EIF4E2: variants seen among roughly 807,000 people sequenced by gnomAD.
EIF4E2 encodes the protein eukaryotic translation initiation factor 4E type 2.
A neutral mutation model predicts 34.2 loss-of-function variants in EIF4E2; 13 were observed. The ratio of observed to expected loss-of-function variants is 0.38; its 90% CI spans 0.25 to 0.60. The LOEUF is 0.60. Among genes scored for constraint, EIF4E2 ranks in the 20% least tolerant of loss-of-function variants. The probability of loss-of-function intolerance (pLI) is 0.62; values close to 1 mark genes in which losing one functional copy is unlikely to be tolerated. For synonymous variants in EIF4E2, 100 were observed against 106.6 expected (o/e 0.94, Z 0.38); for missense variants, 222 against 315.1 (o/e 0.70, Z 2.24).
At chr2:232,567,394 A>G in intron 6 of EIF4E2, 180 bp downstream of exon 6, 1 of 1,419,618 alleles carries the variant, frequency 7.0e-7, no homozygotes, top group Non-Finnish European at 9.2e-7. Context: ...GCTCCCTGCC[A>G]CCTATACTAC....
chr2:232,583,008 G>A (rs1693395772), exon 7 of EIF4E2: 1 of 152,174 alleles, frequency 6.6e-6, no homozygotes, highest in Non-Finnish European at 1.5e-5. Flanking sequence ...TGCCTAACAG[G>A]TTTAAGTAGG....
At chr2:232,555,980 G>A (rs1692504215) in intron 1 of EIF4E2, among the ~76,000 whole-genome samples, 1 of 152,186 alleles carries the variant, frequency 6.6e-6, no homozygotes, top group South Asian at 2.1e-4. Context: ...CAGGAGAAGA[G>A]GGCCTAAACT....
rs1212856964 is a variant in EIF4E2, at chr2:232,566,960, T to G, written c.507T>G (p.Ala169=). The change falls in exon 5 of 7, where the codon GCT becomes GCG. Residue 169 remains alanine (A), a synonymous_variant. Transcript: ENST00000258416. The surrounding 1 kb of genome is among the most constrained non-coding windows in gnomAD (Gnocchi z 4.9). The stretch of plus-strand genomic sequence containing the variant: ...TGGTTGGGGAGGAGATCTGTGGGGC[T>G]GTGGTGTCTGTCCGCTTTCAGGTAA... ...QFMVGEEICG[A]VVSVRFQEDI... The G allele has an allele frequency of 1.3e-6, 2 of 1,599,026 alleles. No homozygotes were observed. Among genetic ancestry groups the G allele is most frequent in the Middle Eastern group, 1.7e-4 (1 of 6,006 alleles).
At position 232,566,736 on chromosome 2, in the gene EIF4E2, A is replaced by T; in HGVS notation, c.376-93A>T. 2 of 1,382,860 alleles carry T rather than the reference A, an allele frequency of 1.4e-6. No homozygotes were observed. Among genetic ancestry groups the T allele is most frequent in the South Asian group, 1.3e-5 (1 of 78,112 alleles). 85.7% of individuals were successfully genotyped at this position (1,382,860 alleles called of 1,614,324 possible). A position where few individuals can be genotyped will look rare whatever the true frequency, so the allele number is the denominator to read the frequency against. On this transcript the variant is annotated intron_variant, in intron 4 of 6. Transcript: ENST00000258416. The surrounding 1 kb of genome is among the most constrained non-coding windows in gnomAD (Gnocchi z 4.9). ...TAATTGGAAAGTGATATGACTTCTT[A>T]GTGTTTAAGAGATTCTTGGCTTTTT... is the stretch of plus-strand genomic sequence containing the variant.
intron 1 of EIF4E2, chr2:232,551,151 TCA>T: frequency 1.9e-6 from 1 of 530,438 alleles, no homozygotes; most frequent in Non-Finnish European, 3.8e-6. Flanking sequence ...CCTCTGAGCC[TCA>T]GTTTTCTCAT....
At chr2:232,568,277 G>C in intron 6 of EIF4E2, 1 of 985,354 alleles carries the variant, frequency 1.0e-6, no homozygotes, top group Non-Finnish European at 1.2e-6. Context: ...TAGATAATGT[G>C]GAGTGGAGTT....
chr2:232,567,955 G>A (rs1692992047), intron 6 of EIF4E2: 1 of 976,386 alleles, frequency 1.0e-6, no homozygotes, highest in African/African-American at 1.8e-5. Flanking sequence ...GGACTCTTAG[G>A]TTTAGTTCTC....
At position 232,564,351 on chromosome 2, in the gene EIF4E2, G is replaced by A; in HGVS notation, c.375G>A (p.Glu125=). 3 of 1,569,448 alleles carry A rather than the reference G, an allele frequency of 1.9e-6. No individual in the cohort carries two copies. Among genetic ancestry groups the A allele is most frequent in the Non-Finnish European group, 2.6e-6 (3 of 1,153,806 alleles). Residue 125 remains glutamate (E), a splice_region_variant and synonymous_variant, in exon 4 of 7, where the codon GAG becomes GAA. Transcript: ENST00000258416. ...LFKEGIKPMW[E]DDANKNGGKW... The stretch of plus-strand genomic sequence containing the variant: ...AAGAAGGAATTAAACCCATGTGGGA[G>A]GTAAGGACTAATGGCTTCTGACTGC...
downstream of EIF4E2, chr2:232,573,818 T>C (rs1032534283): frequency 2.6e-5 from 9 of 341,172 alleles, no homozygotes; most frequent in Non-Finnish European, 4.6e-5. Flanking sequence ...ATCATAATGC[T>C]GTTGGAAACT....
downstream of EIF4E2, chr2:232,573,961 T>A: frequency 1.7e-6 from 1 of 575,282 alleles, no homozygotes; most frequent in Admixed American, 2.4e-5. Flanking sequence ...GCATCAGCTC[T>A]GACCTTACTG....
intron 1 of EIF4E2, among the ~76,000 whole-genome samples, chr2:232,553,555 C>T (rs1324351697): frequency 6.6e-6 from 1 of 152,194 alleles, no homozygotes. Context: ...ACTAAAGTGC[C>T]TCTCAGTCTG....
downstream of EIF4E2, chr2:232,573,853 A>T: frequency 2.8e-6 from 1 of 359,952 alleles, no homozygotes; most frequent in East Asian, 7.2e-5. Context: ...GTGAGGCCTG[A>T]TGAAGAAAAA....
chr2:232,565,087 A>G (rs1035665936), intron 4 of EIF4E2, among the ~76,000 whole-genome samples: 1 of 152,182 alleles, frequency 6.6e-6, no homozygotes, highest in Non-Finnish European at 1.5e-5. Flanking sequence ...GGTGTAGTGC[A>G]TCTTCTATTC....
chr2:232,554,689 G>A (rs1692462915), intron 1 of EIF4E2, among the ~76,000 whole-genome samples: 1 of 152,156 alleles, frequency 6.6e-6, no homozygotes, highest in Non-Finnish European at 1.5e-5. Context: ...AGAGATGTTA[G>A]CATTAGCAAC....
chr2:232,567,307 C>A, intron 6 of EIF4E2, 93 bp downstream of exon 6: 1 of 1,571,528 alleles, frequency 6.4e-7, no homozygotes. Context: ...GGACAGGAGA[C>A]TTACTTGTGG....
chr2:232,552,324 A>G (rs1692366939), intron 1 of EIF4E2, among the ~76,000 whole-genome samples: 1 of 152,046 alleles, frequency 6.6e-6, no homozygotes, highest in Admixed American at 6.6e-5. Flanking sequence ...CAATCCTCCC[A>G]TCTCAGCCTC....
intron 6 of EIF4E2, chr2:232,567,967 C>T (rs1692992616): frequency 1.0e-6 from 1 of 972,172 alleles, no homozygotes; most frequent in Admixed American, 6.2e-5. Context: ...TTAGTTCTCT[C>T]ATATGGCCCC....
chr2:232,556,008 T>G (rs191050607), intron 1 of EIF4E2, among the ~76,000 whole-genome samples: 140 of 152,290 alleles, frequency 9.2e-4, no homozygotes, highest in African/African-American at 3.2e-3. Flanking sequence ...TGACAGTGAG[T>G]GTAGAAGAGG....
At position 232,581,375 on chromosome 2, in the gene EIF4E2, A is replaced by G. The variant is rs550059376; in HGVS notation, c.*432A>G. 2.5e-4 allele frequency: 86 copies of G among 338,868 alleles called. No individual in the cohort carries two copies. Among genetic ancestry groups the G allele is most frequent in the African/African-American group, 1.1e-3 (49 of 46,558 alleles). The allele number at this position is 338,868 out of a possible 1,614,324, so 21.0% of individuals were successfully genotyped here. A position where few individuals can be genotyped will look rare whatever the true frequency, so the allele number is the denominator to read the frequency against. ...AAAAGTGTTCTGTTGGAGAGTCCCAAAATAGCTGTAAATGCTCTCTTCTAG... is the reference window on the plus strand; with the variant it reads ...AAAAGTGTTCTGTTGGAGAGTCCCAGAATAGCTGTAAATGCTCTCTTCTAG... On this transcript the variant is annotated 3_prime_UTR_variant, in exon 7 of 7. Transcript: ENST00000409098. The surrounding 1 kb of genome is among the most constrained non-coding windows in gnomAD (Gnocchi z 5.2).
Sources: gnomAD v4.1 joint callset for allele counts (sites outside exome capture counted in the v4.1 genomes callset) on GRCh38, gnomAD v4.1.1 for gene constraint, Gnocchi (gnomAD v3.1) non-coding constraint, MANE v1.5 for transcripts, NCBI Gene and HGNC (gene_info 2026-07-23, HGNC 2026-07-21) for gene names.